HNRNPH3: variants seen among roughly 807,000 people sequenced by gnomAD.
HNRNPH3 encodes heterogeneous nuclear ribonucleoprotein H3, also known as heterogeneous nuclear ribonucleoprotein 2H9.
HNRNPH3 carries 7 observed loss-of-function variants against 47.0 expected under a neutral mutation model. The observed-to-expected ratio is 0.15, with a 90% CI of 0.08 to 0.28. The LOEUF is 0.28. Ranked by LOEUF, HNRNPH3 falls within the 10% of genes least tolerant of loss-of-function variation. The pLI, the probability that HNRNPH3 is intolerant of heterozygous loss-of-function variation, is 1.00. For missense variants in HNRNPH3, 279 were observed against 449.6 expected (o/e 0.62, Z 3.43); for synonymous variants, 120 against 143.2 (o/e 0.84, Z 1.16).
chr10:68,339,878 A>T (rs1358119243), intron 6 of HNRNPH3, among the ~76,000 whole-genome samples: 1 of 152,016 alleles, frequency 6.6e-6, no homozygotes, highest in African/African-American at 2.4e-5. Context: ...TCACTGATGG[A>T]TATTTTTGTA....
At position 68,337,455 on chromosome 10, in the gene HNRNPH3, G is replaced by A. The variant is rs1262700861; in HGVS notation, c.112+122G>A. The A allele has an allele frequency of 1.1e-5, 7 of 630,208 alleles. No individual in the cohort carries two copies. Among genetic ancestry groups the A allele is most frequent in the Non-Finnish European group, 2.0e-5 (7 of 356,726 alleles). The allele number at this position is 630,208 out of a possible 1,614,324, so 39.0% of individuals were successfully genotyped here. A position where few individuals can be genotyped will look rare whatever the true frequency, so the allele number is the denominator to read the frequency against. On this transcript the variant is annotated intron_variant, in intron 2 of 9. Transcript: ENST00000265866. The surrounding 1 kb of genome is among the most constrained non-coding windows in gnomAD (Gnocchi z 4.5). ...TTTTAAGTTTAACTATGATAGTCTT[G>A]GTTAATGTATTAAAATAATATGCTC... is the stretch of plus-strand genomic sequence containing the variant.
At chr10:68,332,304 G>C (rs1400117741) in intron 1 of HNRNPH3, 88 bp downstream of exon 1, 1 of 152,240 alleles carries the variant, frequency 6.6e-6, no homozygotes, top group Non-Finnish European at 1.5e-5. Flanking sequence ...GGCTGGGTTG[G>C]GGGGTAGTGG....
At position 68,337,357 on chromosome 10, in the gene HNRNPH3, TTAG is replaced by T. The variant is rs1446677691; in HGVS notation, c.112+30_112+32del. On this transcript the variant is annotated intron_variant, in intron 2 of 9. Coordinates refer to ENST00000265866, the MANE Select transcript of HNRNPH3 (RefSeq NM_012207.3). This position sits in a 1 kb window ranked among gnomAD's most constrained non-coding sequence, Gnocchi z 4.5. ...AGGTACCTCTAGTATTAGTCAAAGTTTAGTAGTATTGTAATTTTATATTTGTAT... is the reference window on the plus strand; with the variant it reads ...AGGTACCTCTAGTATTAGTCAAAGTTTAGTATTGTAATTTTATATTTGTAT... The T allele has an allele frequency of 2.4e-6, 3 of 1,254,058 alleles. No individual in the cohort carries two copies. The highest frequency in any genetic ancestry group is 3.5e-6 in the Non-Finnish European group (3 of 856,962). The allele number at this position is 1,254,058 out of a possible 1,614,324, so 77.7% of individuals were successfully genotyped here.
rs369517328 is a variant in HNRNPH3 at position 68,337,174 on chromosome 10, C to G, written c.-23-25C>G. 6.2e-6 allele frequency: 7 copies of G among 1,124,800 alleles called. No homozygotes were observed. Among genetic ancestry groups the G allele is most frequent in the Non-Finnish European group, 9.5e-6 (7 of 740,322 alleles). The allele number at this position is 1,124,800 out of a possible 1,614,324, so 69.7% of individuals were successfully genotyped here. Reference sequence around the variant, plus strand: ...CAAGAGTATATTTTGATTGACTGCTCTATGTGCTTGTTTATTTTTTATAGC... The same window carrying G: ...CAAGAGTATATTTTGATTGACTGCTGTATGTGCTTGTTTATTTTTTATAGC... On this transcript the variant is annotated intron_variant, in intron 1 of 9. Coordinates refer to ENST00000265866, the MANE Select transcript of HNRNPH3 (RefSeq NM_012207.3). The surrounding 1 kb of genome is among the most constrained non-coding windows in gnomAD (Gnocchi z 4.5).
intron 1 of HNRNPH3, 86 bp downstream of exon 1, chr10:68,332,302 T>TG (rs1442282872): frequency 2.6e-5 from 4 of 151,038 alleles, no homozygotes; most frequent in Non-Finnish European, 5.9e-5. Context: ...GGGGCTGGGT[T>TG]GGGGGGTAGT....
At chr10:68,339,046 C>A in intron 4 of HNRNPH3, 94 bp from the exon 5 acceptor site, 1 of 995,344 alleles carries the variant, frequency 1.0e-6, no homozygotes, top group Non-Finnish European at 1.5e-6. Context: ...AATCAAGTTA[C>A]ACAGACTGTT....
intron 9 of HNRNPH3, 56 bp downstream of exon 9, chr10:68,341,907 G>A (rs2045982494): frequency 2.5e-6 from 4 of 1,591,554 alleles, no homozygotes; most frequent in Admixed American, 3.3e-5. Flanking sequence ...AAACTTTAAA[G>A]TGCAGGTATT....
At position 68,341,868 on chromosome 10, in the gene HNRNPH3, C is replaced by A; in HGVS notation, c.964+17C>A. The A allele has an allele frequency of 1.9e-6, 3 of 1,600,598 alleles. No individual in the cohort carries two copies. The highest frequency in any genetic ancestry group is 2.6e-6 in the Non-Finnish European group (3 of 1,168,602). On this transcript the variant is annotated intron_variant, in intron 9 of 9. Coordinates refer to ENST00000265866, the MANE Select transcript of HNRNPH3 (RefSeq NM_012207.3). ...GTGGTTATGGTAAGTATCTCTAGTTCAGTTTGTGTTAGTCCGCATATGTAG... is the reference window on the plus strand; with the variant it reads ...GTGGTTATGGTAAGTATCTCTAGTTAAGTTTGTGTTAGTCCGCATATGTAG...
At chr10:68,340,558 C>G (rs2045845996) in intron 6 of HNRNPH3, among the ~76,000 whole-genome samples, 2 of 152,158 alleles carry the variant, frequency 1.3e-5, no homozygotes, top group South Asian at 4.1e-4. Flanking sequence ...ACATTAGAGA[C>G]CCAATGGCCA....
Position 68,337,111 on chromosome 10 carries a change from G to T in HNRNPH3, c.-23-88G>T. The T allele has an allele frequency of 1.7e-6, 1 of 595,562 alleles. No individual in the cohort carries two copies. The highest frequency in any genetic ancestry group is 3.0e-6 in the Non-Finnish European group (1 of 336,012). The allele number at this position is 595,562 out of a possible 1,614,324, so 36.9% of individuals were successfully genotyped here. ...TTGGCCCCATGTTACATTTCCTCTT[G>T]TGGCACCTCTGAGAGGTGTTTCTTC... On this transcript the variant is annotated intron_variant, in intron 1 of 9. Coordinates refer to ENST00000265866, the MANE Select transcript of HNRNPH3 (RefSeq NM_012207.3). This position sits in a 1 kb window ranked among gnomAD's most constrained non-coding sequence, Gnocchi z 4.5.
intron 4 of HNRNPH3, 79 bp from the exon 5 acceptor site, chr10:68,339,061 C>T: frequency 8.4e-7 from 1 of 1,187,522 alleles, no homozygotes; most frequent in South Asian, 1.4e-5. Context: ...ACTGTTACCA[C>T]AAAATGTTTT....
intron 6 of HNRNPH3, among the ~76,000 whole-genome samples, chr10:68,339,939 C>T (rs890532495): frequency 6.6e-6 from 1 of 152,106 alleles, no homozygotes; most frequent in African/African-American, 2.4e-5. Context: ...AAGCTACATT[C>T]GTGAAGTCCA....
At position 68,339,415 on chromosome 10, in the gene HNRNPH3, A is replaced by C. The variant is rs199856440; in HGVS notation, c.524-25A>C. On this transcript the variant is annotated intron_variant, in intron 5 of 9. Coordinates refer to ENST00000265866, the MANE Select transcript of HNRNPH3 (RefSeq NM_012207.3). ...CCTACTTGTATCTGTAATAGTTTAT[A>C]ATCTTGGCAAATTGTGTTTTCCAGG... 4 of 1,589,880 alleles carry C rather than the reference A, an allele frequency of 2.5e-6. No homozygotes were observed. In the African/African-American group the frequency reaches 5.4e-5, roughly 21 times the overall value.
intron 1 of HNRNPH3, chr10:68,333,107 G>A (rs2045295127): frequency 6.6e-6 from 1 of 151,188 alleles, no homozygotes. Context: ...AAAAGAGTAC[G>A]TACTGATTTT....
intron 1 of HNRNPH3, among the ~76,000 whole-genome samples, chr10:68,332,584 C>T (rs1172775912): frequency 6.6e-6 from 1 of 152,284 alleles, no homozygotes; most frequent in East Asian, 1.9e-4. Flanking sequence ...CTTCCGAAAA[C>T]TGATCTAGAA....
At chr10:68,333,942 T>C (rs1484747975) in intron 1 of HNRNPH3, among the ~76,000 whole-genome samples, 3 of 152,228 alleles carry the variant, frequency 2.0e-5, no homozygotes, top group Admixed American at 6.5e-5. Flanking sequence ...TTATATATGA[T>C]ATAACAAATA....
Position 68,337,743 on chromosome 10 carries a change from C to A in HNRNPH3, c.113-115C>A, listed in dbSNP as rs867531207. On this transcript the variant is annotated intron_variant, in intron 2 of 9. Coordinates refer to ENST00000265866, the MANE Select transcript of HNRNPH3 (RefSeq NM_012207.3). This position sits in a 1 kb window ranked among gnomAD's most constrained non-coding sequence, Gnocchi z 4.5. ...TATTATGGGGTGATGGGAAACTAAG[C>A]TTTTTTGTTTTGTTTTGTTTTGTTT... The A allele has an allele frequency of 1.5e-5, 7 of 458,550 alleles. 1 individual carries two copies. The Middle Eastern group carries it at 2.5e-3, about 165-fold the overall frequency. The allele number at this position is 458,550 out of a possible 1,614,324, so 28.4% of individuals were successfully genotyped here. A position where few individuals can be genotyped will look rare whatever the true frequency, so the allele number is the denominator to read the frequency against.
rs1177728168 is a variant in HNRNPH3, at chr10:68,341,846, G to A, written c.959G>A (p.Gly320Asp). The change falls in exon 9 of 10, where the codon GGT (glycine) becomes GAT (aspartate). Residue 320 changes from glycine to aspartate, a missense_variant. Transcript: ENST00000265866. ...TATGGTACTCCTGATGGTTTGGGTG[G>A]TTATGGTAAGTATCTCTAGTTCAGT... ...GGYGTPDGLG[G>D]YGRGGGGSGG... 1.9e-6 allele frequency: 3 copies of A among 1,609,006 alleles called. No individual in the cohort carries two copies. The highest frequency in any genetic ancestry group is 2.7e-5 in the African/African-American group (2 of 74,702).
rs747778464 is a variant in HNRNPH3, at chr10:68,341,573, TTTTTC to T, written c.776-9_776-5del. 4 of 1,570,018 alleles carry T rather than the reference TTTTTC, an allele frequency of 2.5e-6. No homozygotes were observed. Among genetic ancestry groups the T allele is most frequent in the Non-Finnish European group, 3.5e-6 (4 of 1,147,482 alleles). ...CCTTTCTCCCCTGTTACTCTTTCTT[TTTTTC>T]TTAAAGAACATCGATATATTGAACT... On this transcript the variant is annotated splice_polypyrimidine_tract_variant and splice_region_variant and intron_variant, in intron 7 of 9. Transcript: ENST00000265866.
Sources: allele counts gnomAD v4.1 joint callset (sites outside exome capture counted in the v4.1 genomes callset), GRCh38; gene constraint gnomAD v4.1.1; non-coding constraint Gnocchi (gnomAD v3.1); transcripts MANE v1.5; gene names NCBI Gene and HGNC (gene_info 2026-07-23, HGNC 2026-07-21).